Variants in NCKAP1 observed in about 807,000 individuals in gnomAD.
NCKAP1 encodes NCK associated protein 1, also known as nck-associated protein 1.
Under a neutral mutation model 151.2 loss-of-function variants are expected in NCKAP1, and 21 were observed. That is an observed-to-expected ratio of 0.14 (90% CI 0.10 to 0.20). The LOEUF is 0.20. NCKAP1 is among the 10% of genes least tolerant of loss of function. NCKAP1 has a pLI of 1.00. For synonymous variants in NCKAP1, 484 were observed against 451.8 expected (o/e 1.07, Z -0.90); for missense variants, 933 against 1,352.1 (o/e 0.69, Z 4.86).
intron 20 of NCKAP1, among the ~76,000 whole-genome samples, chr2:182,954,771 A>G (rs1170029372): frequency 6.6e-6 from 1 of 152,090 alleles, no homozygotes; most frequent in Non-Finnish European, 1.5e-5. Flanking sequence ...GGACGAAAGA[A>G]CAAAACTCCG....
chr2:182,964,799 A>G lies in NCKAP1; in HGVS notation c.1638T>C (p.Ser546=). The part of the protein sequence containing the change: ...TSDLSIFCFY[S]RAFEKMFQQC... ...GTTGAAACATCTTCTCAAAAGCACG[A>G]CTATAAAAACTATATAAACAAAAAT... is the stretch of plus-strand genomic sequence containing the variant. Residue 546 remains serine, a synonymous_variant, in exon 17 of 31, where the codon AGT becomes AGC. Transcript: ENST00000361354. 6.3e-7 allele frequency: 1 copy of G among 1,592,904 alleles called. No individual in the cohort carries two copies. Among genetic ancestry groups the G allele is most frequent in the Admixed American group, 1.8e-5 (1 of 55,282 alleles).
chr2:182,977,427 T>C (rs1697847994), intron 14 of NCKAP1, among the ~76,000 whole-genome samples: 1 of 152,054 alleles, frequency 6.6e-6, no homozygotes, highest in African/African-American at 2.4e-5. Context: ...GAGGCAGAGG[T>C]TACAGTAAGC....
intron 18 of NCKAP1, among the ~76,000 whole-genome samples, chr2:182,961,695 G>A (rs539156536): frequency 1.3e-4 from 19 of 151,860 alleles, no homozygotes; most frequent in African/African-American, 4.3e-4. Context: ...TAACCTGCAC[G>A]TTGTGCACAT....
At chr2:183,031,014 G>C (rs1457957145) in intron 1 of NCKAP1, among the ~76,000 whole-genome samples, 5 of 152,118 alleles carry the variant, frequency 3.3e-5, no homozygotes, top group African/African-American at 1.2e-4. Flanking sequence ...TAGTAACTTG[G>C]ATTAAGAGGC....
intron 2 of NCKAP1, among the ~76,000 whole-genome samples, chr2:183,014,292 AG>A (rs1698643227): frequency 6.6e-6 from 1 of 152,194 alleles, no homozygotes; most frequent in Non-Finnish European, 1.5e-5. Flanking sequence ...TGGAAAGGTC[AG>A]GGAAAGCTTC....
In NCKAP1 at chr2:182,922,076, A is replaced by T. The variant is rs1319462942; in HGVS notation, c.*3626T>A. 6.6e-6 allele frequency: 1 copy of T among 152,230 alleles called. No individual in the cohort carries two copies. Among genetic ancestry groups the T allele is most frequent in the Non-Finnish European group, 1.5e-5 (1 of 68,036 alleles). The allele number at this position is 152,230 out of a possible 1,614,324, so 9.4% of individuals were successfully genotyped here. On this transcript the variant is annotated 3_prime_UTR_variant, in exon 31 of 31. Transcript: ENST00000361354. ...AAATGATGGTTCATGCTGTCATTTC[A>T]AGTGACTACAAAGAAGAAATGAAAG...
chr2:182,990,082 C>T (rs1215488945), intron 8 of NCKAP1, among the ~76,000 whole-genome samples: 1 of 151,690 alleles, frequency 6.6e-6, no homozygotes, highest in African/African-American at 2.4e-5. Context: ...ATCATAGCAT[C>T]TCACATTTTA....
At position 182,913,495 on chromosome 2, in the gene NCKAP1, C is replaced by G. The variant is rs1386890871; in HGVS notation, c.*12207G>C. The G allele has an allele frequency of 6.5e-6, 1 of 152,968 alleles. No homozygotes were observed. The highest frequency in any genetic ancestry group is 2.4e-5 in the African/African-American group (1 of 41,462). 9.5% of individuals were successfully genotyped at this position (152,968 alleles called of 1,614,324 possible). A position where few individuals can be genotyped will look rare whatever the true frequency, so the allele number is the denominator to read the frequency against. The stretch of plus-strand genomic sequence containing the variant: ...GGCTCTCTCTGGTGAATCCCACCCC[C>G]ACACCATGTGATGCTCTGTGTTACC... On this transcript the variant is annotated 3_prime_UTR_variant, in exon 31 of 31. Coordinates refer to ENST00000361354, the MANE Select transcript of NCKAP1 (RefSeq NM_013436.5).
In NCKAP1 at chr2:182,912,849, A is replaced by AAGGAAGG. The variant is rs1553507195; in HGVS notation, c.*12852_*12853insCCTTCCT. 1 of 133,364 alleles carries AAGGAAGG rather than the reference A, an allele frequency of 7.5e-6. No individual in the cohort carries two copies. Among genetic ancestry groups the AAGGAAGG allele is most frequent in the African/African-American group, 2.6e-5 (1 of 37,884 alleles). 8.3% of individuals were successfully genotyped at this position (133,364 alleles called of 1,614,324 possible). A position where few individuals can be genotyped will look rare whatever the true frequency, so the allele number is the denominator to read the frequency against. On this transcript the variant is annotated 3_prime_UTR_variant, in exon 31 of 31. Coordinates refer to ENST00000361354, the MANE Select transcript of NCKAP1 (RefSeq NM_013436.5). ...CAAAACCAAAGAAAGATAGAGGAAGAAAGGAAGGAAGGAAGGAAGGAAGGA... is the reference window on the plus strand; with the variant it reads ...CAAAACCAAAGAAAGATAGAGGAAGAAGGAAGGAAGGAAGGAAGGAAGGAAGGAAGGA...
chr2:182,933,023 T>C (rs1696797232), intron 26 of NCKAP1, among the ~76,000 whole-genome samples: 1 of 152,114 alleles, frequency 6.6e-6, no homozygotes, highest in Admixed American at 6.6e-5. Flanking sequence ...TAAATATAAG[T>C]AGAAAAATAG....
chr2:182,931,984 G>A (rs992239561), intron 26 of NCKAP1, among the ~76,000 whole-genome samples: 2 of 152,122 alleles, frequency 1.3e-5, no homozygotes, highest in African/African-American at 2.4e-5. Context: ...AAGTATTAGT[G>A]AAGATGCAGA....
In NCKAP1 at chr2:182,952,483, T is replaced by C; in HGVS notation, c.2523A>G (p.Glu841=). Residue 841 remains glutamate, a synonymous_variant, in exon 23 of 31, where the codon GAA becomes GAG. Transcript: ENST00000361354. ...SDISEMRSLS[E]LLGPYGMKFL... ...ACTTCATACCATATGGGCCTAGTAG[T>C]TCTGATAATGACCTCATTTCTGAAA... is the stretch of plus-strand genomic sequence containing the variant. 1 of 1,603,798 alleles carries C rather than the reference T, an allele frequency of 6.2e-7. No individual in the cohort carries two copies. The highest frequency in any genetic ancestry group is 8.5e-7 in the Non-Finnish European group (1 of 1,175,650).
Position 182,923,589 on chromosome 2 carries a change from T to C in NCKAP1, c.*2113A>G, listed in dbSNP as rs1696585808. 1 of 152,174 alleles carries C rather than the reference T, an allele frequency of 6.6e-6. No homozygotes were observed. The highest frequency in any genetic ancestry group is 2.4e-5 in the African/African-American group (1 of 41,438). The allele number at this position is 152,174 out of a possible 1,614,324, so 9.4% of individuals were successfully genotyped here. On this transcript the variant is annotated 3_prime_UTR_variant, in exon 31 of 31. Transcript: ENST00000361354. ...CTGGCCATGAAATTGTTAAATTAGT[T>C]ATGGTATCTATAAAGGTATTAAAAA...
chr2:182,956,660 T>A (rs1231061121), intron 19 of NCKAP1, 67 bp from the exon 20 acceptor site: 20 of 1,462,240 alleles, frequency 1.4e-5, no homozygotes, highest in Non-Finnish European at 1.7e-5. Flanking sequence ...ATTAATTTTA[T>A]AAATATATCA....
chr2:182,991,492 G>A (rs938126093), intron 8 of NCKAP1, among the ~76,000 whole-genome samples: 1 of 152,096 alleles, frequency 6.6e-6, no homozygotes, highest in Non-Finnish European at 1.5e-5. Flanking sequence ...TTGGGAGGTG[G>A]AGGGTGCAGT....
chr2:182,928,760 A>C (rs1160693710), intron 28 of NCKAP1, 23 bp downstream of exon 28: 2 of 1,481,120 alleles, frequency 1.4e-6, no homozygotes. Flanking sequence ...TTCATCGCCA[A>C]AACAATTTTA....
intron 15 of NCKAP1, among the ~76,000 whole-genome samples, chr2:182,972,224 C>CAAAAAAAAAAAAAAAAAAA (rs56834438): frequency 1.5e-5 from 1 of 67,706 alleles, no homozygotes; most frequent in Non-Finnish European, 2.7e-5. Context: ...AGCTTAATAG[C>CAAAAAAAAAAAAAAAAAAA]AAAAAAAAAA....
At chr2:183,024,392 G>A (rs1698849731) in intron 1 of NCKAP1, among the ~76,000 whole-genome samples, 1 of 152,128 alleles carries the variant, frequency 6.6e-6, no homozygotes, top group Admixed American at 6.5e-5. Context: ...CAAAAGAACT[G>A]GAAGCTGCTA....
At chr2:182,973,770 CT>C (rs1026575969) in intron 15 of NCKAP1, among the ~76,000 whole-genome samples, 3 of 152,158 alleles carry the variant, frequency 2.0e-5, no homozygotes, top group Non-Finnish European at 2.9e-5. Context: ...ATATTTTCCC[CT>C]TCTTACAGTA....
Sources: gnomAD v4.1 joint callset for allele counts (sites outside exome capture counted in the v4.1 genomes callset) on GRCh38, gnomAD v4.1.1 for gene constraint, MANE v1.5 for transcripts, NCBI Gene and HGNC (gene_info 2026-07-23, HGNC 2026-07-21) for gene names.